Variants in PIP5K1B observed in about 807,000 individuals in gnomAD.
PIP5K1B encodes the protein phosphatidylinositol 4-phosphate 5-kinase type-1 beta.
PIP5K1B carries 42 observed loss-of-function variants against 67.0 expected under a neutral mutation model. The ratio of observed to expected loss-of-function variants is 0.63; its 90% confidence interval spans 0.49 to 0.81. PIP5K1B has a LOEUF of 0.81. Ranked by LOEUF, PIP5K1B falls within the 30% of genes least tolerant of loss-of-function variation. The pLI, the probability that PIP5K1B is intolerant of heterozygous loss-of-function variation, is 0.00. For synonymous variants in PIP5K1B, 214 were observed against 231.4 expected (o/e 0.92, Z 0.68); for missense variants, 459 against 646.3 (o/e 0.71, Z 3.14).
chr9:68,978,500 GC>G (rs1829736617), intron 14 of PIP5K1B, among the ~76,000 whole-genome samples: 1 of 152,158 alleles, frequency 6.6e-6, no homozygotes, highest in South Asian at 2.1e-4. Context: ...TACCACATTT[GC>G]TTTAACCATT....
At chr9:68,995,327 T>C (rs999505593) in intron 15 of PIP5K1B, among the ~76,000 whole-genome samples, 18 of 152,206 alleles carry the variant, frequency 1.2e-4, no homozygotes, top group African/African-American at 4.3e-4. Context: ...ACCATAAACT[T>C]TCACATTCTT....
chr9:68,823,932 A>G (rs1313533575), intron 4 of PIP5K1B, among the ~76,000 whole-genome samples: 1 of 151,996 alleles, frequency 6.6e-6, no homozygotes, highest in Non-Finnish European at 1.5e-5. Context: ...TGATTTTTCC[A>G]CTCAGCCAAA....
intron 2 of PIP5K1B, among the ~76,000 whole-genome samples, chr9:68,753,889 A>T (rs1025124085): frequency 1.3e-5 from 2 of 150,824 alleles, no homozygotes; most frequent in Non-Finnish European, 3.0e-5. Flanking sequence ...TGAACTCCTG[A>T]CCTCAGGTGA....
Position 68,947,906 on chromosome 9 carries a change from G to A in PIP5K1B, c.1502+7116G>A, listed in dbSNP as rs1456390030. On this transcript the variant is annotated intron_variant, in intron 14 of 15. Transcript: ENST00000265382. ...GTTTGAGAATTCCTCAAAGAGGCTT[G>A]TAAGCTTGAGGAACCCAAGTGAGAC... 2.6e-5 allele frequency among the ~76,000 whole-genome samples: 4 copies of A among 152,340 alleles called. No individual in the cohort carries two copies. In the East Asian group the frequency reaches 5.8e-4, roughly 22 times the overall value.
intron 2 of PIP5K1B, among the ~76,000 whole-genome samples, chr9:68,803,784 G>C (rs1374161990): frequency 6.6e-6 from 1 of 152,224 alleles, no homozygotes; most frequent in Non-Finnish European, 1.5e-5. Context: ...GGGGAAAAGG[G>C]ATTTGGGGTA....
At chr9:68,918,457 C>G (rs2132519164) in intron 9 of PIP5K1B, among the ~76,000 whole-genome samples, 1 of 152,278 alleles carries the variant, frequency 6.6e-6, no homozygotes, top group South Asian at 2.1e-4. Context: ...TTTTGTCTGC[C>G]TAAGGGGATT....
At chr9:68,727,319 G>A (rs1828199885) in intron 1 of PIP5K1B, among the ~76,000 whole-genome samples, 2 of 152,098 alleles carry the variant, frequency 1.3e-5, no homozygotes, top group African/African-American at 4.8e-5. Context: ...AGCAAGAGTT[G>A]ATCACTCTCA....
At chr9:68,944,865 A>ATCT (rs1271052091) in intron 14 of PIP5K1B, among the ~76,000 whole-genome samples, 5 of 152,204 alleles carry the variant, frequency 3.3e-5, no homozygotes, top group Non-Finnish European at 7.3e-5. Flanking sequence ...AGATTTGTCT[A>ATCT]AAATATCAGA....
At chr9:68,722,002 A>T (rs2132264607) in intron 1 of PIP5K1B, among the ~76,000 whole-genome samples, 1 of 151,724 alleles carries the variant, frequency 6.6e-6, no homozygotes, top group South Asian at 2.1e-4. Context: ...ACTGATCCCC[A>T]CTCTGCCTCC....
At chr9:68,886,144 A>G (rs1056891865) in intron 6 of PIP5K1B, among the ~76,000 whole-genome samples, 3 of 151,750 alleles carry the variant, frequency 2.0e-5, no homozygotes, top group Admixed American at 6.6e-5. Flanking sequence ...GTACCACTGC[A>G]CTCCAGCCTG....
intron 2 of PIP5K1B, among the ~76,000 whole-genome samples, chr9:68,790,300 C>A (rs115654953): frequency 6.6e-6 from 1 of 152,000 alleles, no homozygotes; most frequent in Non-Finnish European, 1.5e-5. Context: ...TAAGAGGATC[C>A]GAAAAAGGAA....
intron 12 of PIP5K1B, among the ~76,000 whole-genome samples, chr9:68,924,140 C>T (rs865781973): frequency 2.6e-4 from 38 of 146,996 alleles, no homozygotes; most frequent in African/African-American, 8.6e-4. Context: ...GGAGGCCGGG[C>T]GCGGTAATCC....
intron 1 of PIP5K1B, among the ~76,000 whole-genome samples, chr9:68,714,753 G>T (rs1423302056): frequency 6.6e-6 from 1 of 152,164 alleles, no homozygotes; most frequent in East Asian, 1.9e-4. Context: ...GTCAGAGGCA[G>T]GTTCATAACT....
chr9:68,786,923 T>C lies in PIP5K1B; in HGVS notation c.-85-31538T>C, dbSNP rs541895757. On this transcript the variant is annotated intron_variant, in intron 2 of 15. Coordinates refer to ENST00000265382, the MANE Select transcript of PIP5K1B (RefSeq NM_003558.4). ...GATGGAAGAGTTTCCAACCGGAAGG[T>C]TGGGATTCAGTACCACCCCCGCATG... Among the ~76,000 whole-genome samples the C allele has an allele frequency of 5.9e-5, 9 of 152,218 alleles. No individual in the cohort carries two copies. In the South Asian group the frequency reaches 1.0e-3, roughly 18 times the overall value.
At chr9:68,747,351 G>A (rs1356689124) in intron 2 of PIP5K1B, among the ~76,000 whole-genome samples, 1 of 151,264 alleles carries the variant, frequency 6.6e-6, no homozygotes, top group Non-Finnish European at 1.5e-5. Flanking sequence ...TAAAATAATA[G>A]ACCACCAATT....
chr9:68,804,362 G>A (rs371260385), intron 2 of PIP5K1B, among the ~76,000 whole-genome samples: 1 of 152,086 alleles, frequency 6.6e-6, no homozygotes, highest in African/African-American at 2.4e-5. Flanking sequence ...GGGTATGGGC[G>A]TTCATAGTTT....
intron 2 of PIP5K1B, among the ~76,000 whole-genome samples, chr9:68,764,074 C>CTTTTTTTTTTTTTTTTTT (rs72304177): frequency 6.8e-5 from 5 of 73,548 alleles, no homozygotes; most frequent in African/African-American, 2.7e-4. Context: ...ACTATAACTT[C>CTTTTTTTTTTTTTTTTTT]TTTTTTTTTT....
chr9:68,918,193 G>T (rs1426251993), intron 9 of PIP5K1B, among the ~76,000 whole-genome samples: 1 of 151,052 alleles, frequency 6.6e-6, no homozygotes, highest in African/African-American at 2.4e-5. Context: ...AGGTTCAAGC[G>T]ATTCTCCTGC....
At chr9:68,943,890 C>T (rs1170653921) in intron 14 of PIP5K1B, among the ~76,000 whole-genome samples, 1 of 152,132 alleles carries the variant, frequency 6.6e-6, no homozygotes, top group Non-Finnish European at 1.5e-5. Flanking sequence ...TTGATTAGTG[C>T]CTGGATGCCT....
Sources: allele counts gnomAD v4.1 joint callset (sites outside exome capture counted in the v4.1 genomes callset), GRCh38; gene constraint gnomAD v4.1.1; transcripts MANE v1.5; gene names NCBI Gene and HGNC (gene_info 2026-07-23, HGNC 2026-07-21).